Variants in IPMK observed in about 807,000 individuals in gnomAD.
IPMK encodes the protein inositol 1,3,4,6-tetrakisphosphate 5-kinase.
A neutral mutation model predicts 45.8 loss-of-function variants in IPMK; 17 were observed. That is an observed-to-expected ratio of 0.37 (90% CI 0.25 to 0.56). The LOEUF (loss-of-function observed/expected upper bound fraction) is 0.56. Ranked by LOEUF, IPMK falls within the 20% of genes least tolerant of loss-of-function variation. The pLI, the probability that IPMK is intolerant of heterozygous loss-of-function variation, is 0.79. For synonymous variants in IPMK, 180 were observed against 184.3 expected (o/e 0.98, Z 0.19); for missense variants, 399 against 498.0 (o/e 0.80, Z 1.89).
intron 5 of IPMK, among the ~76,000 whole-genome samples, chr10:58,198,635 T>C (rs971285451): frequency 1.3e-5 from 2 of 152,304 alleles, no homozygotes; most frequent in Admixed American, 6.5e-5. Flanking sequence ...AATATCTTAG[T>C]AGAGCTAAGA....
chr10:58,197,107 T>C (rs1478034512), intron 5 of IPMK, among the ~76,000 whole-genome samples: 2 of 151,230 alleles, frequency 1.3e-5, no homozygotes, highest in East Asian at 2.0e-4. Flanking sequence ...CAGACCATCC[T>C]GGCTAACACA....
At chr10:58,216,851 T>C (rs1838251098) in intron 3 of IPMK, among the ~76,000 whole-genome samples, 1 of 152,056 alleles carries the variant, frequency 6.6e-6, no homozygotes, top group African/African-American at 2.4e-5. Flanking sequence ...AAAACACGAA[T>C]CTTGCTTTTT....
At chr10:58,246,864 A>G (rs1316766947) in intron 1 of IPMK, among the ~76,000 whole-genome samples, 3 of 151,644 alleles carry the variant, frequency 2.0e-5, no homozygotes, top group Non-Finnish European at 4.4e-5. Context: ...AGAGTGAACA[A>G]GCAACCTACA....
At chr10:58,200,451 G>T (rs1212885397) in intron 4 of IPMK, among the ~76,000 whole-genome samples, 1 of 151,896 alleles carries the variant, frequency 6.6e-6, no homozygotes, top group South Asian at 2.1e-4. Flanking sequence ...AGCCAACTCT[G>T]AAGTTCACAT....
chr10:58,220,905 T>C (rs1024129983), intron 3 of IPMK, among the ~76,000 whole-genome samples: 16 of 152,212 alleles, frequency 1.1e-4, no homozygotes, highest in African/African-American at 3.4e-4. Context: ...TAAAACCTGC[T>C]AACCATGTTA....
At chr10:58,222,700 T>C (rs1265482637) in intron 3 of IPMK, among the ~76,000 whole-genome samples, 3 of 152,248 alleles carry the variant, frequency 2.0e-5, no homozygotes, top group Non-Finnish European at 2.9e-5. Flanking sequence ...AGAATTTCTA[T>C]AGTGCCTTAA....
At position 58,201,185 on chromosome 10, in the gene IPMK, G is replaced by A. The variant is rs143938207; in HGVS notation, c.547-1864C>T. On this transcript the variant is annotated intron_variant, in intron 4 of 5. Coordinates refer to ENST00000373935, the MANE Select transcript of IPMK (RefSeq NM_152230.5). ...AAAAATAAGTATAATATGATATCTT[G>A]TATGGAGGCAGACTACTCAGCTGTA... is the stretch of plus-strand genomic sequence containing the variant. 6.6e-5 allele frequency among the ~76,000 whole-genome samples: 10 copies of A among 152,262 alleles called. No homozygotes were observed. The East Asian group carries it at 1.9e-3, about 29-fold the overall frequency.
intron 1 of IPMK, among the ~76,000 whole-genome samples, chr10:58,255,251 G>C (rs1044053883): frequency 2.6e-5 from 4 of 152,250 alleles, no homozygotes; most frequent in African/African-American, 4.8e-5. Flanking sequence ...ACTCCAGTTG[G>C]TTCAGCCCTT....
chr10:58,197,511 A>G (rs1004485537), intron 5 of IPMK, among the ~76,000 whole-genome samples: 7 of 151,446 alleles, frequency 4.6e-5, no homozygotes, highest in Non-Finnish European at 8.8e-5. Context: ...TTAGCTGGGC[A>G]TGGTGGCGGA....
chr10:58,256,367 T>C (rs576481823), intron 1 of IPMK, among the ~76,000 whole-genome samples: 10 of 152,202 alleles, frequency 6.6e-5, no homozygotes, highest in Non-Finnish European at 2.9e-5. Context: ...TCTGGTCTCC[T>C]GCAGTGCCCT....
intron 1 of IPMK, among the ~76,000 whole-genome samples, chr10:58,248,446 ATG>A (rs765959909): frequency 3.9e-5 from 6 of 152,300 alleles, no homozygotes; most frequent in African/African-American, 9.6e-5. Flanking sequence ...GTACATATTT[ATG>A]TGTGTGCACA....
At chr10:58,216,600 T>C (rs917720353) in intron 3 of IPMK, among the ~76,000 whole-genome samples, 1 of 151,674 alleles carries the variant, frequency 6.6e-6, no homozygotes, top group African/African-American at 2.4e-5. Context: ...AAAAAGGCAA[T>C]GGGATCATTT....
chr10:58,210,896 A>G (rs72795652), intron 4 of IPMK, among the ~76,000 whole-genome samples: 11,666 of 152,220 alleles, frequency 0.077, 525 homozygotes, highest in Non-Finnish European at 0.089. Context: ...TTTTGGAATG[A>G]TAGTTCACAT....
At position 58,205,260 on chromosome 10, in the gene IPMK, T is replaced by C. The variant is rs1390052803; in HGVS notation, c.547-5939A>G. Among the ~76,000 whole-genome samples, 4 of 148,318 alleles carry C rather than the reference T, an allele frequency of 2.7e-5. No individual in the cohort carries two copies. The East Asian group carries it at 7.9e-4, about 29-fold the overall frequency. On this transcript the variant is annotated intron_variant, in intron 4 of 5. Transcript: ENST00000373935. ...TTAAAAATTTGGAGGCTTCGACAAA[T>C]ACTATCAAGTAAGAAAATCAGATTA...
At chr10:58,243,630 G>A (rs1838733227) in intron 1 of IPMK, among the ~76,000 whole-genome samples, 1 of 152,200 alleles carries the variant, frequency 6.6e-6, no homozygotes, top group Non-Finnish European at 1.5e-5. Flanking sequence ...TCGGCCTCCC[G>A]AGGTGCTGGG....
intron 4 of IPMK, 78 bp downstream of exon 4, chr10:58,216,067 A>T: frequency 1.1e-6 from 1 of 879,480 alleles, no homozygotes; most frequent in Non-Finnish European, 1.6e-6. Flanking sequence ...ATATATTAGT[A>T]CTACAATGAC....
chr10:58,240,657 G>GAAAAAAAA (rs200716414), intron 1 of IPMK, among the ~76,000 whole-genome samples: 2 of 114,042 alleles, frequency 1.8e-5, no homozygotes. Flanking sequence ...CATACACCAC[G>GAAAAAAAA]AAAAAAAAAA....
rs190561183 is a variant in IPMK, at chr10:58,252,829, C to T, written c.190+14593G>A. Among the ~76,000 whole-genome samples the T allele has an allele frequency of 2.0e-4, 30 of 152,124 alleles. No individual in the cohort carries two copies. In the East Asian group the frequency reaches 4.6e-3, roughly 24 times the overall value. On this transcript the variant is annotated intron_variant, in intron 1 of 5. Coordinates refer to ENST00000373935, the MANE Select transcript of IPMK (RefSeq NM_152230.5). ...GTTTCACCATGTTGGCCAGGCTGGT[C>T]GCAAACTCCTGACTTCAGGTGATCC... is the stretch of plus-strand genomic sequence containing the variant.
intron 1 of IPMK, among the ~76,000 whole-genome samples, chr10:58,245,087 AAT>A (rs1191368078): frequency 2.4e-4 from 34 of 144,216 alleles, no homozygotes; most frequent in African/African-American, 8.6e-4. Flanking sequence ...AAAATAAAAA[AAT>A]TAAAAAATAC....
Sources: gnomAD v4.1 joint callset for allele counts (sites outside exome capture counted in the v4.1 genomes callset) on GRCh38, gnomAD v4.1.1 for gene constraint, MANE v1.5 for transcripts, NCBI Gene and HGNC (gene_info 2026-07-23, HGNC 2026-07-21) for gene names.